MYO1E: variants seen among roughly 807,000 people sequenced by gnomAD.
The protein encoded by MYO1E is unconventional myosin-Ie.
A neutral mutation model predicts 151.1 loss-of-function variants in MYO1E; 68 were observed. The observed-to-expected ratio is 0.45, with a 90% CI of 0.37 to 0.55. The LOEUF is 0.55. Ranked by LOEUF, MYO1E falls within the 20% of genes least tolerant of loss-of-function variation. MYO1E has a pLI of 0.00. For missense variants in MYO1E, 1,363 were observed against 1,389.3 expected, an observed-to-expected ratio of 0.98 and a Z score of 0.30; for synonymous variants, 601 against 501.7, an observed-to-expected ratio of 1.20 and a Z score of -2.64.
rs541417786 is a variant in MYO1E at position 59,137,549 on chromosome 15, G to A, written c.3251-93C>T. 18 of 1,022,072 alleles carry A rather than the reference G, an allele frequency of 1.8e-5. No individual in the cohort carries two copies. The South Asian group carries it at 2.2e-4, about 12-fold the overall frequency. The allele number at this position is 1,022,072 out of a possible 1,614,324, so 63.3% of individuals were successfully genotyped here. A position where few individuals can be genotyped will look rare whatever the true frequency, so the allele number is the denominator to read the frequency against. On this transcript the variant is annotated intron_variant, in intron 27 of 27. Transcript: ENST00000288235. ...CGCTCCCATGGGCTCAAGTGATTTG[G>A]CTCCATCCATGTTGTTTTCCCTTTG...
At chr15:59,297,728 G>A (rs1032385329) in intron 1 of MYO1E, among the ~76,000 whole-genome samples, 1 of 151,728 alleles carries the variant, frequency 6.6e-6, no homozygotes. Context: ...CTACAGGTGT[G>A]CACTACCATG....
chr15:59,365,125 T>A (rs2080905913), intron 1 of MYO1E, among the ~76,000 whole-genome samples: 1 of 151,704 alleles, frequency 6.6e-6, no homozygotes, highest in African/African-American at 2.4e-5. Context: ...GTTCAAGCAG[T>A]TCTCCTGCCT....
chr15:59,261,966 C>G (rs2080226733), intron 2 of MYO1E, among the ~76,000 whole-genome samples: 1 of 152,054 alleles, frequency 6.6e-6, no homozygotes, highest in Non-Finnish European at 1.5e-5. Flanking sequence ...CTTTGGGAGG[C>G]TGAGGTGGGG....
chr15:59,163,005 TGTC>T (rs1267441943), intron 23 of MYO1E, 149 bp downstream of exon 23: 2 of 806,262 alleles, frequency 2.5e-6, no homozygotes, highest in Non-Finnish European at 2.0e-6. Flanking sequence ...CTATCCAGAC[TGTC>T]TTCTGCAGGC....
At chr15:59,174,985 C>G (rs1194524182) in intron 19 of MYO1E, among the ~76,000 whole-genome samples, 2 of 152,160 alleles carry the variant, frequency 1.3e-5, no homozygotes, top group African/African-American at 4.8e-5. Flanking sequence ...ATAAAGGTGA[C>G]AGCAAACAGC....
chr15:59,233,042 T>C (rs2080037868), intron 5 of MYO1E, among the ~76,000 whole-genome samples: 2 of 152,176 alleles, frequency 1.3e-5, no homozygotes, highest in South Asian at 4.1e-4. Context: ...TAAAAACTCA[T>C]GGATTTATAT....
At chr15:59,349,247 T>C (rs2080810736) in intron 1 of MYO1E, among the ~76,000 whole-genome samples, 1 of 152,226 alleles carries the variant, frequency 6.6e-6, no homozygotes, top group South Asian at 2.1e-4. Flanking sequence ...ACATCTTAGG[T>C]ATATATGCAT....
intron 1 of MYO1E, among the ~76,000 whole-genome samples, chr15:59,339,554 T>A (rs67498027): frequency 1.3e-5 from 2 of 152,090 alleles, no homozygotes; most frequent in African/African-American, 2.4e-5. Context: ...AAAGGGCAGC[T>A]CTGGGCATGT....
intron 26 of MYO1E, among the ~76,000 whole-genome samples, chr15:59,139,214 C>T (rs2079392485): frequency 6.6e-6 from 1 of 151,580 alleles, no homozygotes; most frequent in Admixed American, 6.6e-5. Flanking sequence ...TTCATTATTA[C>T]TCCTTAGACT....
chr15:59,326,000 G>A (rs2080661653), intron 1 of MYO1E, among the ~76,000 whole-genome samples: 1 of 152,170 alleles, frequency 6.6e-6, no homozygotes, highest in South Asian at 2.1e-4. Flanking sequence ...GACATTTAAA[G>A]TAATGGGAAT....
At chr15:59,266,731 G>C (rs1206271187) in intron 2 of MYO1E, 1 of 140,112 alleles carries the variant, frequency 7.1e-6, no homozygotes, top group Non-Finnish European at 1.5e-5. Flanking sequence ...GTGTGATATT[G>C]GCTCATTGCA....
chr15:59,202,432 T>C, intron 15 of MYO1E, 25 bp from the exon 16 acceptor site: 1 of 1,600,700 alleles, frequency 6.2e-7, no homozygotes, highest in South Asian at 1.1e-5. Flanking sequence ...AGAGAATGAA[T>C]TAACAATCTG....
rs139820649 is a variant in MYO1E at position 59,208,698 on chromosome 15, G to T, written c.1513C>A (p.His505Asn). Residue 505 changes from histidine (H) to asparagine (N), a missense_variant, in exon 14 of 28, where the codon CAT becomes AAT. Transcript: ENST00000288235. The stretch of plus-strand genomic sequence containing the variant: ...GGCCATACCTTCCCAGCATAATGAT[G>T]AATGATGAAGCCTTGGTTCCAACTG... Reference protein sequence around the residue: ...FNSWNQGFIIHHYAGKVSYDM... With the variant: ...FNSWNQGFIINHYAGKVSYDM... 30 of 1,614,076 alleles carry T rather than the reference G, an allele frequency of 1.9e-5. No homozygotes were observed. In the African/African-American group the frequency reaches 3.3e-4, roughly 18 times the overall value.
intron 1 of MYO1E, among the ~76,000 whole-genome samples, chr15:59,371,433 A>C (rs561852282): frequency 6.6e-4 from 41 of 62,020 alleles, no homozygotes; most frequent in East Asian, 2.1e-3. Context: ...GCCTTGTAAT[A>C]GATTTTTTTT....
intron 16 of MYO1E, among the ~76,000 whole-genome samples, chr15:59,201,791 G>C (rs2079803720): frequency 6.6e-6 from 1 of 152,184 alleles, no homozygotes. Flanking sequence ...TACTTCCTGA[G>C]AAACACTGTA....
intron 1 of MYO1E, among the ~76,000 whole-genome samples, chr15:59,298,334 C>T (rs541246010): frequency 1.4e-4 from 21 of 152,326 alleles, no homozygotes; most frequent in Non-Finnish European, 2.4e-4. Flanking sequence ...ACATGACTTC[C>T]TCACAGCCCG....
At chr15:59,208,595 G>C in intron 14 of MYO1E, 86 bp downstream of exon 14, 1 of 1,478,724 alleles carries the variant, frequency 6.8e-7, no homozygotes, top group East Asian at 2.3e-5. Context: ...AAAATACGGC[G>C]AGCCATATGA....
chr15:59,351,613 C>T (rs553417200), intron 1 of MYO1E, among the ~76,000 whole-genome samples: 27 of 152,170 alleles, frequency 1.8e-4, no homozygotes, highest in East Asian at 1.5e-3. Flanking sequence ...TGTGAATTAC[C>T]GGGGGATAAG....
At position 59,214,541 on chromosome 15, in the gene MYO1E, T is replaced by C. The variant is rs1011909105; in HGVS notation, c.1188+99A>G. ...TGTTTTTTTTGTTGTTGTGGTTTGT[T>C]TTCTGTTTTTTTGTTTTTGCATTGC... On this transcript the variant is annotated intron_variant, in intron 11 of 27. Coordinates refer to ENST00000288235, the MANE Select transcript of MYO1E (RefSeq NM_004998.4). The C allele has an allele frequency of 1.4e-5, 17 of 1,225,716 alleles. No individual in the cohort carries two copies. In the African/African-American group the frequency reaches 2.1e-4, roughly 15 times the overall value. 75.9% of individuals were successfully genotyped at this position (1,225,716 alleles called of 1,614,324 possible).
Sources: gnomAD v4.1 joint callset for allele counts (sites outside exome capture counted in the v4.1 genomes callset) on GRCh38, gnomAD v4.1.1 for gene constraint, MANE v1.5 for transcripts, NCBI Gene and HGNC (gene_info 2026-07-23, HGNC 2026-07-21) for gene names.